Variants in SLIT3 observed in about 807,000 individuals in gnomAD.
SLIT3 encodes slit homolog 3 protein.
Under a neutral mutation model 184.0 loss-of-function variants are expected in SLIT3, and 68 were observed. The observed-to-expected ratio is 0.37, with a 90% CI of 0.30 to 0.45. The LOEUF (loss-of-function observed/expected upper bound fraction) is 0.45. Ranked by LOEUF, SLIT3 falls within the 20% of genes least tolerant of loss-of-function variation. The pLI is 1.00. For missense variants in SLIT3, 1,707 were observed against 2,026.0 expected (o/e 0.84, Z 3.02); for synonymous variants, 831 against 828.6 (o/e 1.00, Z -0.05).
intron 5 of SLIT3, among the ~76,000 whole-genome samples, chr5:168,869,068 G>A (rs1456734311): frequency 6.6e-6 from 1 of 152,208 alleles, no homozygotes; most frequent in Non-Finnish European, 1.5e-5. Flanking sequence ...TGGTTGGCCT[G>A]TGGTTGCCGG....
rs764317355 is a variant in SLIT3 at position 168,831,912 on chromosome 5, C to T, written c.558-8581G>A. Among the ~76,000 whole-genome samples the T allele has an allele frequency of 1.6e-4, 25 of 152,136 alleles. 1 individual carries two copies. Among genetic ancestry groups the T allele is most frequent in the Non-Finnish European group, 2.8e-4 (19 of 68,026 alleles). On this transcript the variant is annotated intron_variant, in intron 6 of 35. Transcript: ENST00000519560. The stretch of plus-strand genomic sequence containing the variant: ...GGTGTTCAAAGAAAAACAATACCTC[C>T]GAAAAATGTTAAAAGTGGAAGATCA...
intron 1 of SLIT3, among the ~76,000 whole-genome samples, chr5:169,282,232 T>G (rs1326704194): frequency 6.6e-6 from 1 of 152,174 alleles, no homozygotes; most frequent in Non-Finnish European, 1.5e-5. Flanking sequence ...TACAGCCTCT[T>G]CTCGTCATTG....
intron 4 of SLIT3, among the ~76,000 whole-genome samples, chr5:168,936,162 T>C (rs1185078592): frequency 6.6e-6 from 1 of 152,216 alleles, no homozygotes; most frequent in Non-Finnish European, 1.5e-5. Context: ...TCCCATGACT[T>C]GTAGACAGGA....
At chr5:169,248,223 C>T (rs757093741) in intron 2 of SLIT3, among the ~76,000 whole-genome samples, 11 of 152,098 alleles carry the variant, frequency 7.2e-5, no homozygotes, top group Non-Finnish European at 1.3e-4. Flanking sequence ...ATCTCCTCTA[C>T]GTTTCTCTTA....
chr5:168,677,332 A>G (rs1054863249), intron 32 of SLIT3, among the ~76,000 whole-genome samples: 2 of 152,188 alleles, frequency 1.3e-5, no homozygotes, highest in Non-Finnish European at 2.9e-5. Flanking sequence ...GATGGAATGT[A>G]GTGGTGCAAT....
chr5:169,068,653 A>T (rs542120860), intron 4 of SLIT3, among the ~76,000 whole-genome samples: 52 of 152,278 alleles, frequency 3.4e-4, no homozygotes, highest in African/African-American at 1.2e-3. Context: ...TGAAAAGGAC[A>T]ATGTTCCCAA....
chr5:169,298,526 C>G (rs148674505), intron 1 of SLIT3, among the ~76,000 whole-genome samples: 7 of 152,140 alleles, frequency 4.6e-5, no homozygotes, highest in African/African-American at 1.7e-4. Context: ...GATGTAGTTG[C>G]GAGACCCCAA....
intron 4 of SLIT3, among the ~76,000 whole-genome samples, chr5:169,130,899 T>C (rs1486435413): frequency 6.6e-6 from 1 of 152,212 alleles, no homozygotes; most frequent in Non-Finnish European, 1.5e-5. Flanking sequence ...ATACTATTTA[T>C]GTATAATGTT....
rs141495418 is a variant in SLIT3, at chr5:168,729,191, A to G, written c.2271-4707T>C. ...GAATTGTTGATATTACCAAGGGGGA[A>G]AAGAGATCAAAAAGTTTAGAAAACA... On this transcript the variant is annotated intron_variant, in intron 20 of 35. Transcript: ENST00000519560. Among the ~76,000 whole-genome samples the G allele has an allele frequency of 4.4e-3, 677 of 152,244 alleles. 4 individuals carry two copies. The highest frequency in any genetic ancestry group is 0.016 in the African/African-American group (645 of 41,558).
intron 4 of SLIT3, among the ~76,000 whole-genome samples, chr5:169,098,293 C>G (rs1350602557): frequency 8.5e-5 from 13 of 152,186 alleles, no homozygotes. Context: ...ACCCCACACC[C>G]AAATCACACA....
At chr5:169,235,426 A>G (rs1765161674) in intron 3 of SLIT3, among the ~76,000 whole-genome samples, 1 of 152,238 alleles carries the variant, frequency 6.6e-6, no homozygotes. Context: ...TTTGATTTAC[A>G]TAAAAGCTGG....
At chr5:168,716,966 G>A (rs1470771655) in intron 23 of SLIT3, among the ~76,000 whole-genome samples, 1 of 140,608 alleles carries the variant, frequency 7.1e-6, no homozygotes, top group African/African-American at 2.8e-5. Flanking sequence ...AAGCCACATT[G>A]CAGCCACACC....
At chr5:169,020,739 A>G (rs2113488539) in intron 4 of SLIT3, among the ~76,000 whole-genome samples, 1 of 152,336 alleles carries the variant, frequency 6.6e-6, no homozygotes, top group African/African-American at 2.4e-5. Flanking sequence ...GGGTAAAGGG[A>G]TTGCTACCTA....
At chr5:168,947,605 A>G (rs946213308) in intron 4 of SLIT3, among the ~76,000 whole-genome samples, 1 of 152,152 alleles carries the variant, frequency 6.6e-6, no homozygotes, top group African/African-American at 2.4e-5. Flanking sequence ...TGACAGAGGC[A>G]CCAGGGCTGC....
At chr5:168,699,046 A>T (rs1762141161) in intron 27 of SLIT3, among the ~76,000 whole-genome samples, 2 of 152,106 alleles carry the variant, frequency 1.3e-5, no homozygotes, top group African/African-American at 4.8e-5. Context: ...TGTGCCCTGG[A>T]GGGGTGTTTC....
intron 32 of SLIT3, among the ~76,000 whole-genome samples, chr5:168,676,419 T>G (rs1452490471): frequency 6.6e-6 from 1 of 152,158 alleles, no homozygotes; most frequent in African/African-American, 2.4e-5. Flanking sequence ...AAGAGTCCAC[T>G]GAGGAATCTG....
intron 1 of SLIT3, among the ~76,000 whole-genome samples, chr5:169,279,849 T>A (rs575649388): frequency 1.3e-5 from 2 of 152,320 alleles, no homozygotes; most frequent in South Asian, 4.1e-4. Flanking sequence ...AATGAACTCA[T>A]AATAGTACCC....
intron 3 of SLIT3, among the ~76,000 whole-genome samples, chr5:169,237,892 G>A (rs532869199): frequency 1.8e-3 from 270 of 152,028 alleles, no homozygotes; most frequent in African/African-American, 3.3e-3. Flanking sequence ...GAATCATCTC[G>A]ACTTCAATTT....
At chr5:168,883,574 T>C (rs895047978) in intron 4 of SLIT3, among the ~76,000 whole-genome samples, 1 of 152,228 alleles carries the variant, frequency 6.6e-6, no homozygotes, top group Non-Finnish European at 1.5e-5. Context: ...GCTCTGTGGG[T>C]GGTCTCGCAC....
Sources: gnomAD v4.1 joint callset for allele counts (sites outside exome capture counted in the v4.1 genomes callset) on GRCh38, gnomAD v4.1.1 for gene constraint, MANE v1.5 for transcripts, NCBI Gene and HGNC (gene_info 2026-07-23, HGNC 2026-07-21) for gene names.